Variants in APOBEC3F observed in about 807,000 individuals in gnomAD.
APOBEC3F encodes apolipoprotein B mRNA editing enzyme catalytic subunit 3F, also known as DNA dC->dU-editing enzyme APOBEC-3F.
APOBEC3F carries 34 observed loss-of-function variants against 45.8 expected under a neutral mutation model. The observed-to-expected ratio is 0.74, with a 90% confidence interval of 0.57 to 0.99. The LOEUF (loss-of-function observed/expected upper bound fraction) is 0.99, where lower values mean the gene tolerates loss of function less well. APOBEC3F is among the 50% of genes least tolerant of loss of function. APOBEC3F has a pLI of 0.00. For synonymous variants in APOBEC3F, 192 were observed against 174.4 expected (o/e 1.10, Z -0.80); for missense variants, 459 against 474.1 (o/e 0.97, Z 0.30).
chr22:39,049,279 T>A, intron 4 of APOBEC3F, 146 bp from the exon 5 acceptor site: 1 of 1,016,484 alleles, frequency 9.8e-7, no homozygotes, highest in Non-Finnish European at 1.4e-6. Flanking sequence ...CCTGCCAGCA[T>A]CCCCTCCTCT....
At position 39,045,118 on chromosome 22, in the gene APOBEC3F, A is replaced by T. The variant is rs749633845; in HGVS notation, c.349A>T (p.Ile117Phe). The change falls in exon 3 of 7, where the codon ATC becomes TTC. Residue 117 changes from isoleucine (I) to phenylalanine (F), a missense_variant. Transcript: ENST00000308521. ...LAEHPNVTLT[I>F]SAARLYYYWE... Reference sequence around the variant, plus strand: ...TGAGCACCCCAATGTCACCCTGACCATCTCCGCCGCCCGCCTCTACTACTA... The same window carrying T: ...TGAGCACCCCAATGTCACCCTGACCTTCTCCGCCGCCCGCCTCTACTACTA... The T allele has an allele frequency of 2.5e-6, 4 of 1,613,844 alleles. No individual in the cohort carries two copies. The African/African-American group carries it at 5.3e-5, about 22-fold the overall frequency.
At chr22:39,049,633 T>C in intron 5 of APOBEC3F, 52 bp downstream of exon 5, 3 of 1,596,550 alleles carry the variant, frequency 1.9e-6, no homozygotes, top group African/African-American at 1.3e-5. Flanking sequence ...CAGCTAGGAA[T>C]GCAGAAAACA....
At position 39,049,311 on chromosome 22, in the gene APOBEC3F, C is replaced by T. The variant is rs994612767; in HGVS notation, c.567-114C>T. The stretch of plus-strand genomic sequence containing the variant: ...CTCTTTCTCTCTCCCAGTCTTTCTG[C>T]CTGGGAAAGCAGCAGACATTCCCAG... On this transcript the variant is annotated intron_variant, in intron 4 of 6. Transcript: ENST00000308521. 5.5e-6 allele frequency: 7 copies of T among 1,279,178 alleles called. No individual in the cohort carries two copies. In the African/African-American group the frequency reaches 1.0e-4, roughly 19 times the overall value. 79.2% of individuals were successfully genotyped at this position (1,279,178 alleles called of 1,614,324 possible). A position where few individuals can be genotyped will look rare whatever the true frequency, so the allele number is the denominator to read the frequency against.
chr22:39,049,332 C>T (rs1341598810), intron 4 of APOBEC3F, 93 bp from the exon 5 acceptor site: 1 of 1,440,362 alleles, frequency 6.9e-7, no homozygotes, highest in South Asian at 1.3e-5. Context: ...AGCAGACATT[C>T]CCAGGGCTGT....
chr22:39,041,127 G>C, intron 1 of APOBEC3F, 150 bp downstream of exon 1: 2 of 1,415,812 alleles, frequency 1.4e-6, no homozygotes, highest in Non-Finnish European at 1.9e-6. Flanking sequence ...CTCCCAGCCA[G>C]GCTCTTTTTC....
At chr22:39,044,203 C>G in intron 2 of APOBEC3F, 2 of 1,610,052 alleles carry the variant, frequency 1.2e-6, no homozygotes, top group Non-Finnish European at 1.7e-6. Flanking sequence ...AGGCAGGGAA[C>G]AAGGCAGACC....
At chr22:39,052,011 CA>C (rs1927511632) in intron 5 of APOBEC3F, 62 bp from the exon 6 acceptor site, 20 of 1,592,420 alleles carry the variant, frequency 1.3e-5, no homozygotes, top group Non-Finnish European at 1.6e-5. Context: ...CCCATCGCCC[CA>C]CCCCTGCACT....
chr22:39,055,166 G>A lies in APOBEC3F; in HGVS notation c.*2471G>A, dbSNP rs7284075. On this transcript the variant is annotated 3_prime_UTR_variant, in exon 7 of 7. Transcript: ENST00000308521. ...CAGCTCACTGCAACCTCTGCCTTCCGAGTTCAAGCGATTCTCGTGCCTCAG... is the reference window on the plus strand; with the variant it reads ...CAGCTCACTGCAACCTCTGCCTTCCAAGTTCAAGCGATTCTCGTGCCTCAG... 9.5e-3 allele frequency among the ~76,000 whole-genome samples: 1,428 copies of A among 151,012 alleles called. 21 individuals carry two copies. Among genetic ancestry groups the A allele is most frequent in the African/African-American group, 0.032 (1,324 of 40,994 alleles).
intron 4 of APOBEC3F, among the ~76,000 whole-genome samples, chr22:39,046,266 T>C (rs1927214129): frequency 1.3e-5 from 2 of 152,170 alleles, no homozygotes; most frequent in Non-Finnish European, 2.9e-5. Context: ...ATCACCACTT[T>C]AGTGGACCTG....
intron 5 of APOBEC3F, 73 bp from the exon 6 acceptor site, chr22:39,052,001 C>T (rs760574675): frequency 3.8e-6 from 6 of 1,582,362 alleles, no homozygotes; most frequent in Non-Finnish European, 4.3e-6. Flanking sequence ...GCCCTCTGCT[C>T]CCATCGCCCC....
intron 1 of APOBEC3F, among the ~76,000 whole-genome samples, chr22:39,041,346 G>A (rs1926880981): frequency 6.6e-6 from 1 of 152,216 alleles, no homozygotes; most frequent in African/African-American, 2.4e-5. Flanking sequence ...TTAGAGCAAT[G>A]TGGAATTTTG....
In APOBEC3F at chr22:39,045,220, G is replaced by C. The variant is rs1410604077; in HGVS notation, c.451G>C (p.Glu151Gln). ...GARVKIMDDE[E>Q]FAYCWENFVY... ...CCGCGTGAAGATTATGGACGATGAA[G>C]GTGAGAGGTGGAGGGGTCAGGGGAG... is the stretch of plus-strand genomic sequence containing the variant. Residue 151 changes from glutamate to glutamine, a missense_variant and splice_region_variant, in exon 3 of 7, where the codon GAA becomes CAA. Physicochemically the swap from Glu to Gln is conservative, Grantham distance 29 (BLOSUM62 2). Transcript: ENST00000308521. The C allele has an allele frequency of 8.7e-6, 14 of 1,613,888 alleles. No individual in the cohort carries two copies. Among genetic ancestry groups the C allele is most frequent in the Non-Finnish European group, 1.2e-5 (14 of 1,179,846 alleles).
Position 39,043,052 on chromosome 22 carries a change from T to C in APOBEC3F, c.133T>C (p.Ser45Pro). ...LCYEVKTKGP[S>P]RPRLDAKIFR... ...CTACGAAGTGAAAACAAAGGGTCCC[T>C]CAAGGCCCCGTTTGGACGCAAAGAT... Residue 45 changes from serine (S) to proline (P), a missense_variant, in exon 2 of 7, where the codon TCA becomes CCA. Ser to Pro is a moderately conservative substitution (Grantham distance 74). Transcript: ENST00000308521. 6.2e-7 allele frequency: 1 copy of C among 1,614,160 alleles called. No individual in the cohort carries two copies. Among genetic ancestry groups the C allele is most frequent in the Non-Finnish European group, 8.5e-7 (1 of 1,180,012 alleles).
At chr22:39,044,074 A>ATT (rs1167851367) in intron 2 of APOBEC3F, 1 of 1,541,264 alleles carries the variant, frequency 6.5e-7, no homozygotes, top group South Asian at 1.2e-5. Flanking sequence ...TGTATGGTGT[A>ATT]TTTTTCAGGT....
intron 5 of APOBEC3F, among the ~76,000 whole-genome samples, chr22:39,050,933 A>G (rs533510791): frequency 1.3e-5 from 2 of 152,258 alleles, no homozygotes; most frequent in South Asian, 4.1e-4. Flanking sequence ...ACAGGAAAAG[A>G]CTCAATAAAA....
Position 39,040,984 on chromosome 22 carries a change from C to A in APOBEC3F, c.17+7C>A. 6.3e-7 allele frequency: 1 copy of A among 1,584,556 alleles called. No homozygotes were observed. Among genetic ancestry groups the A allele is most frequent in the Non-Finnish European group, 8.6e-7 (1 of 1,165,078 alleles). On this transcript the variant is annotated splice_region_variant and intron_variant, in intron 1 of 6. Coordinates refer to ENST00000308521, the MANE Select transcript of APOBEC3F (RefSeq NM_145298.6). ...GGATGAAGCCTCACTTCAGGTACCG[C>A]TGCCCGCTCTACCCGCTGGGCCCCT...
At chr22:39,051,335 A>G (rs1453432616) in intron 5 of APOBEC3F, among the ~76,000 whole-genome samples, 3 of 151,604 alleles carry the variant, frequency 2.0e-5, no homozygotes, top group Admixed American at 6.6e-5. Flanking sequence ...CAGGAGCTTG[A>G]AACCATGCTC....
chr22:39,054,391 C>G lies in APOBEC3F; in HGVS notation c.*1696C>G, dbSNP rs1252597234. Among the ~76,000 whole-genome samples the G allele has an allele frequency of 6.6e-6, 1 of 152,132 alleles. No homozygotes were observed. Among genetic ancestry groups the G allele is most frequent in the Non-Finnish European group, 1.5e-5 (1 of 68,028 alleles). ...GGATTACATGCGCGTGCCACCACGC[C>G]TAGCTAATTTTTGTGTTTTTAGTAG... On this transcript the variant is annotated 3_prime_UTR_variant, in exon 7 of 7. Transcript: ENST00000308521.
chr22:39,045,127 G>T lies in APOBEC3F; in HGVS notation c.358G>T (p.Ala120Ser), dbSNP rs376835075. The change falls in exon 3 of 7, where the codon GCC becomes TCC. Residue 120 changes from alanine (A) to serine (S), a missense_variant. Coordinates refer to ENST00000308521, the MANE Select transcript of APOBEC3F (RefSeq NM_145298.6). ...CAATGTCACCCTGACCATCTCCGCC[G>T]CCCGCCTCTACTACTACTGGGAAAG... ...HPNVTLTISA[A>S]RLYYYWERDY... 3 of 1,613,820 alleles carry T rather than the reference G, an allele frequency of 1.9e-6. No individual in the cohort carries two copies. Among genetic ancestry groups the T allele is most frequent in the Admixed American group, 3.3e-5 (2 of 59,984 alleles).
Sources: allele counts gnomAD v4.1 joint callset (sites outside exome capture counted in the v4.1 genomes callset), GRCh38; gene constraint gnomAD v4.1.1; transcripts MANE v1.5; gene names NCBI Gene and HGNC (gene_info 2026-07-23, HGNC 2026-07-21).